Variants in TRHDE observed in about 807,000 individuals in gnomAD.
TRHDE encodes thyrotropin releasing hormone degrading enzyme.
In TRHDE, 72 loss-of-function variants were observed where a neutral mutation model predicts 125.7. The observed-to-expected ratio is 0.57, with a 90% CI of 0.47 to 0.70. TRHDE has a LOEUF of 0.70. Among genes scored for constraint, TRHDE ranks in the 30% least tolerant of loss-of-function variants. TRHDE has a pLI of 0.00. For missense variants in TRHDE, 1,110 were observed against 1,327.1 expected, an observed-to-expected ratio of 0.84 and a Z score of 2.54; for synonymous variants, 509 against 509.1, an observed-to-expected ratio of 1.00 and a Z score of 0.00.
chr12:72,198,438 C>G (rs953889533), intron 2 of TRHDE, among the ~76,000 whole-genome samples: 5 of 152,054 alleles, frequency 3.3e-5, no homozygotes, highest in Non-Finnish European at 1.5e-5. Flanking sequence ...AATAATTCCT[C>G]AGTATCTAGA....
chr12:72,399,748 G>A (rs940348828), intron 3 of TRHDE, among the ~76,000 whole-genome samples: 12 of 151,660 alleles, frequency 7.9e-5, no homozygotes, highest in African/African-American at 2.2e-4. Flanking sequence ...TGTTTTTTTC[G>A]TTCTGATTCT....
intron 5 of TRHDE, among the ~76,000 whole-genome samples, chr12:72,497,820 T>C (rs1198327313): frequency 6.6e-6 from 1 of 152,212 alleles, no homozygotes; most frequent in Non-Finnish European, 1.5e-5. Context: ...TGCTTTTCAG[T>C]GGACTTAAAT....
At chr12:72,477,881 G>T (rs1003557033) in intron 5 of TRHDE, among the ~76,000 whole-genome samples, 1 of 152,086 alleles carries the variant, frequency 6.6e-6, no homozygotes, top group Admixed American at 6.6e-5. Flanking sequence ...GACTCCTTCA[G>T]GTTCCTGAAT....
At chr12:72,348,211 A>C (rs1870420841) in intron 2 of TRHDE, among the ~76,000 whole-genome samples, 1 of 152,000 alleles carries the variant, frequency 6.6e-6, no homozygotes, top group African/African-American at 2.4e-5. Context: ...TTTTGTGATG[A>C]GAACACTTAC....
At chr12:72,302,508 A>G (rs1868277216) in intron 2 of TRHDE, among the ~76,000 whole-genome samples, 2 of 152,184 alleles carry the variant, frequency 1.3e-5, no homozygotes, top group Non-Finnish European at 2.9e-5. Context: ...ATTTATAATA[A>G]TATAAGGATG....
chr12:72,601,296 A>G (rs1485889938), intron 12 of TRHDE, among the ~76,000 whole-genome samples: 1 of 152,168 alleles, frequency 6.6e-6, no homozygotes, highest in Non-Finnish European at 1.5e-5. Context: ...CTCAATTGCT[A>G]CAATCTCAGG....
chr12:72,087,914 A>T (rs1031670628), intron 1 of TRHDE, among the ~76,000 whole-genome samples: 3 of 152,240 alleles, frequency 2.0e-5, no homozygotes, highest in East Asian at 3.9e-4. Context: ...GGACTGCAGG[A>T]TCTCTACAAG....
intron 3 of TRHDE, among the ~76,000 whole-genome samples, chr12:72,408,852 T>C (rs1488778697): frequency 1.3e-5 from 2 of 151,944 alleles, no homozygotes; most frequent in African/African-American, 4.8e-5. Flanking sequence ...TGAAAAAATA[T>C]ATAAAAGAGA....
At chr12:72,204,828 A>C (rs1055531939) in intron 2 of TRHDE, among the ~76,000 whole-genome samples, 2 of 152,112 alleles carry the variant, frequency 1.3e-5, no homozygotes, top group Non-Finnish European at 2.9e-5. Flanking sequence ...TTCAGTGTTT[A>C]TGTTTATTGG....
intron 12 of TRHDE, among the ~76,000 whole-genome samples, chr12:72,600,730 G>A (rs1872174503): frequency 6.6e-6 from 1 of 151,880 alleles, no homozygotes; most frequent in African/African-American, 2.4e-5. Flanking sequence ...TACTTTTCCT[G>A]TGCTTTATAT....
At chr12:72,102,293 C>T (rs1003961057) in intron 1 of TRHDE, among the ~76,000 whole-genome samples, 2 of 152,106 alleles carry the variant, frequency 1.3e-5, no homozygotes, top group African/African-American at 4.8e-5. Context: ...ATGCTTAAAC[C>T]TATAGTCACC....
intron 2 of TRHDE, among the ~76,000 whole-genome samples, chr12:72,356,661 G>T (rs1870837024): frequency 6.6e-6 from 1 of 151,532 alleles, no homozygotes; most frequent in African/African-American, 2.4e-5. Flanking sequence ...ATTTGACTAG[G>T]ATTGTAGTGG....
chr12:72,291,852 T>G (rs1880100752), intron 2 of TRHDE, among the ~76,000 whole-genome samples: 1 of 152,200 alleles, frequency 6.6e-6, no homozygotes, highest in Non-Finnish European at 1.5e-5. Context: ...TCCCCATAGA[T>G]ACCAAGGGAT....
chr12:72,445,323 C>T (rs1441844478), intron 3 of TRHDE, among the ~76,000 whole-genome samples: 2 of 151,688 alleles, frequency 1.3e-5, no homozygotes, highest in Non-Finnish European at 2.9e-5. Flanking sequence ...TATTTTTCTT[C>T]CACTCTGAAG....
intron 12 of TRHDE, chr12:72,610,978 T>G (rs1212151319): frequency 6.5e-6 from 1 of 153,382 alleles, no homozygotes; most frequent in African/African-American, 2.4e-5. Context: ...TCAGAGAGGC[T>G]ATCAAATGAG....
chr12:72,512,543 TTCATATATAA>T (rs1878644627), intron 6 of TRHDE, among the ~76,000 whole-genome samples: 1 of 138,588 alleles, frequency 7.2e-6, no homozygotes, highest in African/African-American at 2.7e-5. Context: ...ATTATATATA[TTCATATATAA>T]TCATATATAA....
At chr12:72,581,974 C>T (rs774290533) in intron 12 of TRHDE, among the ~76,000 whole-genome samples, 7 of 151,718 alleles carry the variant, frequency 4.6e-5, no homozygotes, top group Non-Finnish European at 8.8e-5. Context: ...AGGTGGCAGG[C>T]GCCTGTAGTT....
At chr12:72,363,023 G>A (rs1306938419) in intron 2 of TRHDE, among the ~76,000 whole-genome samples, 3 of 151,926 alleles carry the variant, frequency 2.0e-5, no homozygotes, top group African/African-American at 7.3e-5. Context: ...TGTTCTTTTG[G>A]CTTAGGATTG....
At chr12:72,377,721 G>A (rs911010471) in intron 2 of TRHDE, among the ~76,000 whole-genome samples, 3 of 152,032 alleles carry the variant, frequency 2.0e-5, no homozygotes, top group East Asian at 1.9e-4. Flanking sequence ...AAGTGATAAC[G>A]TTGAATATTT....
Sources: gnomAD v4.1 joint callset for allele counts (sites outside exome capture counted in the v4.1 genomes callset) on GRCh38, gnomAD v4.1.1 for gene constraint, MANE v1.5 for transcripts, NCBI Gene and HGNC (gene_info 2026-07-23, HGNC 2026-07-21) for gene names.